The following CTNNA2 variants were observed in gnomAD, a reference collection of about 807,000 sequenced individuals.
CTNNA2 encodes the protein catenin alpha-2.
In CTNNA2, 42 loss-of-function variants were observed where a neutral mutation model predicts 101.0. The ratio of observed to expected loss-of-function variants is 0.42; its 90% CI spans 0.32 to 0.54. The LOEUF is 0.54. Ranked by LOEUF, CTNNA2 falls within the 20% of genes least tolerant of loss-of-function variation. The pLI is 0.14. For synonymous variants in CTNNA2, 450 were observed against 456.4 expected, an observed-to-expected ratio of 0.99 and a Z score of 0.18; for missense variants, 871 against 1,223.1, an observed-to-expected ratio of 0.71 and a Z score of 4.29.
chr2:79,788,584 G>A (rs1456766664), intron 3 of CTNNA2, among the ~76,000 whole-genome samples: 1 of 152,186 alleles, frequency 6.6e-6, no homozygotes, highest in Non-Finnish European at 1.5e-5. Flanking sequence ...AAGGTTAAGG[G>A]ACACCTGCTT....
intron 12 of CTNNA2, among the ~76,000 whole-genome samples, chr2:80,562,474 T>A (rs1374081162): frequency 6.6e-6 from 1 of 152,208 alleles, no homozygotes; most frequent in East Asian, 1.9e-4. Flanking sequence ...ATATATACTC[T>A]GTTAAGGATT....
intron 7 of CTNNA2, among the ~76,000 whole-genome samples, chr2:80,384,045 C>T (rs1676767403): frequency 6.6e-6 from 1 of 152,080 alleles, no homozygotes. Context: ...GACCATTATC[C>T]TTAACAAACT....
At chr2:79,592,522 G>A (rs1004122490) in intron 1 of CTNNA2, among the ~76,000 whole-genome samples, 31 of 152,010 alleles carry the variant, frequency 2.0e-4, no homozygotes, top group African/African-American at 7.3e-4. Context: ...TCTGAGATGT[G>A]GGGGGTGCTT....
chr2:80,524,344 G>A (rs929458517), intron 9 of CTNNA2, among the ~76,000 whole-genome samples: 7 of 152,212 alleles, frequency 4.6e-5, no homozygotes, highest in South Asian at 4.1e-4. Context: ...GTGGGTGTAC[G>A]CTTTCCTTTT....
At chr2:79,935,911 C>G (rs1341219696) in intron 7 of CTNNA2, among the ~76,000 whole-genome samples, 1 of 152,162 alleles carries the variant, frequency 6.6e-6, no homozygotes, top group Non-Finnish European at 1.5e-5. Context: ...AGTCACAGTT[C>G]TTTGGACTGT....
intron 4 of CTNNA2, among the ~76,000 whole-genome samples, chr2:79,404,842 C>T (rs541406870): frequency 1.7e-4 from 26 of 152,034 alleles, no homozygotes; most frequent in East Asian, 1.2e-3. Context: ...AATTCCTGCC[C>T]CCTAGTATCC....
intron 8 of CTNNA2, among the ~76,000 whole-genome samples, chr2:80,414,558 C>T (rs1679870788): frequency 6.6e-6 from 1 of 152,256 alleles, no homozygotes; most frequent in African/African-American, 2.4e-5. Flanking sequence ...GGCCAAAACA[C>T]TTGTTTTCAA....
chr2:79,610,509 T>C (rs1678199448), intron 1 of CTNNA2, among the ~76,000 whole-genome samples: 1 of 152,158 alleles, frequency 6.6e-6, no homozygotes, highest in East Asian at 1.9e-4. Context: ...ATGTCACAAA[T>C]GCTACTCAGC....
At chr2:80,550,043 G>A (rs989219756) in intron 11 of CTNNA2, among the ~76,000 whole-genome samples, 6 of 152,144 alleles carry the variant, frequency 3.9e-5, no homozygotes, top group Non-Finnish European at 8.8e-5. Flanking sequence ...TATGTAAACA[G>A]GTATGGCTTT....
chr2:80,210,594 T>G (rs577517696), intron 7 of CTNNA2, among the ~76,000 whole-genome samples: 1 of 152,348 alleles, frequency 6.6e-6, no homozygotes, highest in South Asian at 2.1e-4. Context: ...GTGCCACATT[T>G]TCTTAATCCA....
intron 7 of CTNNA2, among the ~76,000 whole-genome samples, chr2:80,199,033 T>C (rs1379163653): frequency 2.0e-5 from 3 of 151,520 alleles, no homozygotes; most frequent in African/African-American, 7.3e-5. Flanking sequence ...ATAAAAAAAT[T>C]AGCTGGGTGT....
At chr2:80,235,987 A>C (rs1296797337) in intron 7 of CTNNA2, among the ~76,000 whole-genome samples, 1 of 152,030 alleles carries the variant, frequency 6.6e-6, no homozygotes, top group Non-Finnish European at 1.5e-5. Flanking sequence ...GTAGACCCCA[A>C]TGTCTGTTGT....
intron 4 of CTNNA2, among the ~76,000 whole-genome samples, chr2:79,407,847 C>T (rs184208081): frequency 2.0e-5 from 3 of 152,124 alleles, no homozygotes; most frequent in Admixed American, 6.6e-5. Context: ...ATGCTCCTGG[C>T]CTAACAAAAG....
intron 3 of CTNNA2, among the ~76,000 whole-genome samples, chr2:79,753,260 A>G (rs943418409): frequency 6.6e-6 from 1 of 152,242 alleles, no homozygotes; most frequent in East Asian, 1.9e-4. Flanking sequence ...ATTCATTTAT[A>G]TGGTATGTAA....
At chr2:80,607,630 A>C (rs1698140416) in intron 16 of CTNNA2, among the ~76,000 whole-genome samples, 1 of 151,934 alleles carries the variant, frequency 6.6e-6, no homozygotes, top group East Asian at 1.9e-4. Flanking sequence ...ATTTAAAGGC[A>C]GGTTATTATG....
At chr2:79,985,921 C>T (rs1441903817) in intron 7 of CTNNA2, among the ~76,000 whole-genome samples, 6 of 152,094 alleles carry the variant, frequency 3.9e-5, no homozygotes, top group South Asian at 2.1e-4. Context: ...GTCCTTATTC[C>T]CTCTAGGGGA....
At chr2:79,265,627 A>G (rs1674977658) in intron 2 of CTNNA2, among the ~76,000 whole-genome samples, 1 of 152,198 alleles carries the variant, frequency 6.6e-6, no homozygotes, top group African/African-American at 2.4e-5. Flanking sequence ...GGCATCTCAA[A>G]GCCAAGGGTT....
chr2:79,551,288 G>A (rs1246435598), intron 1 of CTNNA2, among the ~76,000 whole-genome samples: 1 of 152,104 alleles, frequency 6.6e-6, no homozygotes, highest in African/African-American at 2.4e-5. Flanking sequence ...GAAAGAGAAG[G>A]CAACAGGGGA....
At chr2:79,392,354 G>T (rs1204667693) in intron 4 of CTNNA2, among the ~76,000 whole-genome samples, 1 of 152,082 alleles carries the variant, frequency 6.6e-6, no homozygotes, top group Non-Finnish European at 1.5e-5. Context: ...AATCCTCAAG[G>T]CACAGGATCT....
Sources: gnomAD v4.1 joint callset for allele counts (sites outside exome capture counted in the v4.1 genomes callset) on GRCh38, gnomAD v4.1.1 for gene constraint, MANE v1.5 for transcripts, NCBI Gene and HGNC (gene_info 2026-07-23, HGNC 2026-07-21) for gene names.